Variants in EPB41L3 observed in about 807,000 individuals in gnomAD.
The protein encoded by EPB41L3 is erythrocyte membrane protein band 4.1 like 3, also known as band 4.1-like protein 3.
EPB41L3 carries 57 observed loss-of-function variants against 127.1 expected under a neutral mutation model. The observed-to-expected ratio is 0.45, with a 90% CI of 0.36 to 0.56. EPB41L3 has a LOEUF of 0.56. Ranked by LOEUF, EPB41L3 falls within the 20% of genes least tolerant of loss-of-function variation. The pLI is 0.00. For synonymous variants in EPB41L3, 572 were observed against 549.5 expected (o/e 1.04, Z -0.57); for missense variants, 1,273 against 1,372.2 (o/e 0.93, Z 1.14).
chr18:5,478,390 C>T lies in EPB41L3; in HGVS notation c.232G>A (p.Glu78Lys), dbSNP rs1197421046. The change falls in exon 3 of 23, where the codon GAA becomes AAA. Residue 78 changes from glutamate to lysine, a missense_variant. By Grantham distance (56) the Glu-to-Lys change is moderately conservative. This residue lies in a region of EPB41L3 where 182 missense variants were observed against 149.2 expected (regional missense o/e 1.22). Coordinates refer to ENST00000341928, the MANE Select transcript of EPB41L3 (RefSeq NM_012307.5). ...TTATCGTCTTCTAATTGCTGATATT[C>T]GAGCTGTTTTGCAGCCCTGGCAGCA... Reference protein sequence around the residue: ...EFAARAAKQLEYQQLEDDKLS... With the variant: ...EFAARAAKQLKYQQLEDDKLS... The T allele has an allele frequency of 9.3e-6, 15 of 1,613,992 alleles. No individual in the cohort carries two copies. Among genetic ancestry groups the T allele is most frequent in the Non-Finnish European group, 1.2e-5 (14 of 1,180,008 alleles).
chr18:5,427,376 A>G (rs577621360), intron 9 of EPB41L3, among the ~76,000 whole-genome samples: 5 of 152,206 alleles, frequency 3.3e-5, no homozygotes, highest in Admixed American at 1.3e-4. Flanking sequence ...AGTAAATAAG[A>G]GTAGATATGT....
intron 3 of EPB41L3, among the ~76,000 whole-genome samples, chr18:5,559,191 A>G (rs779493552): frequency 6.6e-6 from 1 of 152,226 alleles, no homozygotes; most frequent in Non-Finnish European, 1.5e-5. Flanking sequence ...AAAGTTGCAG[A>G]CTAAGAACAC....
rs2094062648 is a variant in EPB41L3 at position 5,557,854 on chromosome 18, C to T, written c.-306+54486G>A. On this transcript the variant is annotated intron_variant, in intron 3 of 21. Coordinates refer to the EPB41L3 transcript ENST00000545076. ...TAATAAATAAGGGGGTCAATGGGGT[C>T]AGATCCACTGAGCACCAAAATAAAC... 2.6e-5 allele frequency among the ~76,000 whole-genome samples: 4 copies of T among 152,164 alleles called. No individual in the cohort carries two copies. The South Asian group carries it at 8.3e-4, about 31-fold the overall frequency.
At chr18:5,532,774 A>G (rs894186694) in intron 1 of EPB41L3, among the ~76,000 whole-genome samples, 1 of 152,146 alleles carries the variant, frequency 6.6e-6, no homozygotes, top group Non-Finnish European at 1.5e-5. Context: ...ATTCACTGAG[A>G]TAAGGCGCCT....
At chr18:5,437,017 GC>G (rs2079944911) in intron 6 of EPB41L3, among the ~76,000 whole-genome samples, 1 of 152,148 alleles carries the variant, frequency 6.6e-6, no homozygotes, top group South Asian at 2.1e-4. Flanking sequence ...GCACAAAATT[GC>G]TTTGACTGGT....
chr18:5,582,922 G>A (rs2094407545), intron 3 of EPB41L3, among the ~76,000 whole-genome samples: 2 of 152,222 alleles, frequency 1.3e-5, no homozygotes, highest in South Asian at 4.1e-4. Flanking sequence ...ACTTTCAGGA[G>A]CCACTGCAGA....
chr18:5,474,281 C>G (rs1441348572), intron 3 of EPB41L3, among the ~76,000 whole-genome samples: 1 of 151,894 alleles, frequency 6.6e-6, no homozygotes, highest in African/African-American at 2.4e-5. Flanking sequence ...CTACAATGAT[C>G]TAAGCCAACT....
chr18:5,539,430 G>A (rs765636563), intron 1 of EPB41L3, among the ~76,000 whole-genome samples: 11 of 152,224 alleles, frequency 7.2e-5, no homozygotes, highest in Non-Finnish European at 1.3e-4. Flanking sequence ...ACCAATCATC[G>A]CAAGGACTAA....
chr18:5,624,959 G>A (rs1305495430), intron 1 of EPB41L3, among the ~76,000 whole-genome samples: 3 of 152,116 alleles, frequency 2.0e-5, no homozygotes, highest in Non-Finnish European at 4.4e-5. Flanking sequence ...AGAAAGGGGA[G>A]GAAGGGCATT....
intron 3 of EPB41L3, among the ~76,000 whole-genome samples, chr18:5,560,428 C>T (rs933965852): frequency 2.6e-5 from 4 of 152,090 alleles, no homozygotes; most frequent in Non-Finnish European, 4.4e-5. Flanking sequence ...ACTATTTTGG[C>T]AGTACAATCA....
chr18:5,442,733 A>G (rs2080960744), intron 5 of EPB41L3, among the ~76,000 whole-genome samples: 1 of 152,220 alleles, frequency 6.6e-6, no homozygotes, highest in Non-Finnish European at 1.5e-5. Context: ...ATTTTAAATT[A>G]GTATCCATGT....
At chr18:5,437,544 GT>G (rs1201878421) in intron 6 of EPB41L3, among the ~76,000 whole-genome samples, 3 of 152,094 alleles carry the variant, frequency 2.0e-5, no homozygotes, top group Non-Finnish European at 4.4e-5. Flanking sequence ...ATATTTTAAT[GT>G]TTTGATTTCT....
At chr18:5,516,852 T>C (rs1241390077) in intron 1 of EPB41L3, among the ~76,000 whole-genome samples, 1 of 152,258 alleles carries the variant, frequency 6.6e-6, no homozygotes, top group African/African-American at 2.4e-5. Flanking sequence ...CAGTTAATTA[T>C]ATTCCAAAAC....
At chr18:5,448,152 G>A (rs916870164) in intron 3 of EPB41L3, among the ~76,000 whole-genome samples, 1 of 152,108 alleles carries the variant, frequency 6.6e-6, no homozygotes, top group Non-Finnish European at 1.5e-5. Context: ...ATGGGCTTGA[G>A]GCTCTAACTG....
In EPB41L3 at chr18:5,514,023, G is replaced by T. The variant is rs181600862; in HGVS notation, c.-11-24829C>A. On this transcript the variant is annotated intron_variant, in intron 1 of 22. Transcript: ENST00000341928. ...TGACTTTGGTCATGTTACTACAGAG[G>T]CCAAAGCATAATTATAAGGTTACAA... 1.6e-4 allele frequency among the ~76,000 whole-genome samples: 24 copies of T among 152,238 alleles called. No homozygotes were observed. In the East Asian group the frequency reaches 4.3e-3, roughly 27 times the overall value.
chr18:5,396,060 C>T (rs543291019), intron 19 of EPB41L3, 141 bp downstream of exon 19: 43 of 1,016,442 alleles, frequency 4.2e-5, no homozygotes, highest in Non-Finnish European at 5.9e-5. Flanking sequence ...ACCATTATTG[C>T]ATCACTTTTA....
intron 3 of EPB41L3, among the ~76,000 whole-genome samples, chr18:5,571,319 AG>A (rs1053427160): frequency 3.3e-5 from 5 of 152,208 alleles, no homozygotes; most frequent in Non-Finnish European, 7.4e-5. Flanking sequence ...AATGTTCTAT[AG>A]GTTCTCTTGT....
At chr18:5,554,268 G>C (rs942730892) in intron 3 of EPB41L3, among the ~76,000 whole-genome samples, 1 of 152,086 alleles carries the variant, frequency 6.6e-6, no homozygotes, top group Admixed American at 6.5e-5. Flanking sequence ...CAAAAACAGG[G>C]GTCCAGCCAC....
At chr18:5,467,780 C>G (rs915407261) in intron 3 of EPB41L3, among the ~76,000 whole-genome samples, 1 of 152,144 alleles carries the variant, frequency 6.6e-6, no homozygotes. Context: ...TTCTTCCTAT[C>G]GATGGCAGTG....
Sources: allele counts gnomAD v4.1 joint callset (sites outside exome capture counted in the v4.1 genomes callset), GRCh38; gene constraint gnomAD v4.1.1; regional missense constraint gnomAD v4.1.1; transcripts MANE v1.5; gene names NCBI Gene and HGNC (gene_info 2026-07-23, HGNC 2026-07-21).